AQR: variants seen among roughly 807,000 people sequenced by gnomAD.
The protein encoded by AQR is aquarius intron-binding spliceosomal factor.
Under a neutral mutation model 180.5 loss-of-function variants are expected in AQR, and 61 were observed. That is an observed-to-expected ratio of 0.34 (90% CI 0.28 to 0.42). The LOEUF is 0.42. Ranked by LOEUF, AQR falls within the 10% of genes least tolerant of loss-of-function variation. The pLI is 1.00. For synonymous variants in AQR, 551 were observed against 588.8 expected (o/e 0.94, Z 0.93); for missense variants, 1,281 against 1,798.3 (o/e 0.71, Z 5.20).
At chr15:34,925,565 G>C (rs1375054107) in intron 13 of AQR, among the ~76,000 whole-genome samples, 1 of 152,234 alleles carries the variant, frequency 6.6e-6, no homozygotes, top group Non-Finnish European at 1.5e-5. Context: ...AGGAGGCCAG[G>C]AGCGGTGGCT....
At chr15:34,918,474 T>C (rs1893630786) in intron 14 of AQR, 96 bp from the exon 15 acceptor site, 6 of 1,436,844 alleles carry the variant, frequency 4.2e-6, no homozygotes, top group South Asian at 1.3e-5. Flanking sequence ...TCAGTTATTG[T>C]AGCAGTTCAA....
rs112214780 is a variant in AQR, at chr15:34,926,135, G to A, written c.1118+900C>T. Among the ~76,000 whole-genome samples the A allele has an allele frequency of 8.6e-3, 1,300 of 151,266 alleles. 19 individuals carry two copies. The highest frequency in any genetic ancestry group is 0.03 in the African/African-American group (1,238 of 41,206). ...TGAGCCACTGCAGTCTGGCCTGGGC[G>A]AAAGAGCGAGACTCCGTCTCAAAAA... On this transcript the variant is annotated intron_variant, in intron 13 of 34. Coordinates refer to ENST00000156471, the MANE Select transcript of AQR (RefSeq NM_014691.3).
intron 33 of AQR, among the ~76,000 whole-genome samples, chr15:34,860,825 C>T (rs1010057701): frequency 6.6e-6 from 1 of 152,152 alleles, no homozygotes; most frequent in African/African-American, 2.4e-5. Flanking sequence ...CTGGGGTAGA[C>T]TGTTAAATTG....
In AQR at chr15:34,853,573, T is replaced by C. The variant is rs1412259253; in HGVS notation, c.*3219A>G. 6.6e-6 allele frequency: 1 copy of C among 152,242 alleles called. No individual in the cohort carries two copies. The highest frequency in any genetic ancestry group is 1.5e-5 in the Non-Finnish European group (1 of 68,064). 9.4% of individuals were successfully genotyped at this position (152,242 alleles called of 1,614,324 possible). A position where few individuals can be genotyped will look rare whatever the true frequency, so the allele number is the denominator to read the frequency against. The stretch of plus-strand genomic sequence containing the variant: ...CCTAGATAGATCCTCAAAGGTCAAC[T>C]GCCACTAGGTGTCCCCTTCTTGATC... On this transcript the variant is annotated 3_prime_UTR_variant, in exon 35 of 35. Coordinates refer to ENST00000156471, the MANE Select transcript of AQR (RefSeq NM_014691.3).
chr15:34,860,750 A>C (rs1348278458), intron 33 of AQR, among the ~76,000 whole-genome samples: 1 of 152,238 alleles, frequency 6.6e-6, no homozygotes, highest in Non-Finnish European at 1.5e-5. Context: ...TAACACATAT[A>C]CTATGAGTCA....
At chr15:34,946,494 CCCCGCCCGG>C in intron 5 of AQR, among the ~76,000 whole-genome samples, 19 of 143,116 alleles carry the variant, frequency 1.3e-4, no homozygotes, top group Admixed American at 1.4e-4. Flanking sequence ...GGGGTCAGCC[CCCCGCCCGG>C]CCAGCCGCCC....
chr15:34,943,825 T>C (rs1463683388), intron 6 of AQR, among the ~76,000 whole-genome samples: 1 of 152,218 alleles, frequency 6.6e-6, no homozygotes, highest in Non-Finnish European at 1.5e-5. Flanking sequence ...CATTTACACT[T>C]GGCCTTTATC....
At chr15:34,937,294 G>T (rs1002837503) in intron 9 of AQR, among the ~76,000 whole-genome samples, 21 of 152,126 alleles carry the variant, frequency 1.4e-4, no homozygotes, top group African/African-American at 5.1e-4. Flanking sequence ...CAAAGTGCTG[G>T]GATTACAGGC....
Position 34,904,512 on chromosome 15 carries a change from A to C in AQR, c.1832-7T>G. The C allele has an allele frequency of 1.3e-6, 2 of 1,588,412 alleles. No individual in the cohort carries two copies. The highest frequency in any genetic ancestry group is 1.7e-6 in the Non-Finnish European group (2 of 1,172,776). On this transcript the variant is annotated splice_region_variant and splice_polypyrimidine_tract_variant and intron_variant, in intron 18 of 34. Transcript: ENST00000156471. The stretch of plus-strand genomic sequence containing the variant: ...TTGGGTCTGGGTTCAGGTCCTGGAC[A>C]ATTTGAAAAAGTTTGTTAAATAAAA...
intron 14 of AQR, among the ~76,000 whole-genome samples, chr15:34,918,676 T>C (rs1353612674): frequency 6.6e-6 from 1 of 152,244 alleles, no homozygotes; most frequent in African/African-American, 2.4e-5. Flanking sequence ...ACAGATAAAG[T>C]GCCACACATC....
At chr15:34,884,048 C>A (rs775032816) in intron 26 of AQR, among the ~76,000 whole-genome samples, 1 of 152,142 alleles carries the variant, frequency 6.6e-6, no homozygotes, top group Non-Finnish European at 1.5e-5. Context: ...AAGACCTTTA[C>A]ATCAGGAAAG....
intron 3 of AQR, among the ~76,000 whole-genome samples, chr15:34,957,780 A>G (rs1259623392): frequency 6.7e-6 from 1 of 150,372 alleles, no homozygotes; most frequent in East Asian, 1.9e-4. Context: ...AAAACATAAA[A>G]CATAAAAAAA....
At chr15:34,875,172 A>G (rs1219439507) in intron 28 of AQR, among the ~76,000 whole-genome samples, 1 of 152,184 alleles carries the variant, frequency 6.6e-6, no homozygotes, top group East Asian at 1.9e-4. Flanking sequence ...GGCATTAGGT[A>G]ACGAGCACAC....
chr15:34,938,384 C>A (rs901552725), intron 9 of AQR, among the ~76,000 whole-genome samples: 1 of 151,756 alleles, frequency 6.6e-6, no homozygotes, highest in Non-Finnish European at 1.5e-5. Flanking sequence ...AAATACAAAA[C>A]TAACTGGGCA....
intron 2 of AQR, among the ~76,000 whole-genome samples, chr15:34,961,822 T>A (rs2050281390): frequency 6.6e-6 from 1 of 151,996 alleles, no homozygotes; most frequent in African/African-American, 2.4e-5. Context: ...TAACACAAAC[T>A]ACCACACAGG....
At chr15:34,867,293 T>C (rs766735081) in intron 32 of AQR, among the ~76,000 whole-genome samples, 6 of 152,100 alleles carry the variant, frequency 3.9e-5, no homozygotes, top group Non-Finnish European at 8.8e-5. Context: ...TCTCTGAGGG[T>C]TACTAAAGGG....
At chr15:34,912,011 A>G (rs1379638808) in intron 16 of AQR, among the ~76,000 whole-genome samples, 2 of 152,152 alleles carry the variant, frequency 1.3e-5, no homozygotes, top group Non-Finnish European at 2.9e-5. Flanking sequence ...ACAAGTAGAT[A>G]TCTAGCTTTC....
intron 19 of AQR, 33 bp from the exon 20 acceptor site, chr15:34,900,896 A>G: frequency 6.4e-7 from 1 of 1,551,316 alleles, no homozygotes; most frequent in Non-Finnish European, 8.7e-7. Context: ...AGATTGTGTC[A>G]GTATGACATC....
intron 2 of AQR, 69 bp downstream of exon 2, chr15:34,964,165 T>A: frequency 1.8e-6 from 2 of 1,089,578 alleles, no homozygotes; most frequent in Non-Finnish European, 2.7e-6. Flanking sequence ...TATGGAAAGC[T>A]TTTGTTGAAA....
Sources: allele counts gnomAD v4.1 joint callset (sites outside exome capture counted in the v4.1 genomes callset), GRCh38; gene constraint gnomAD v4.1.1; transcripts MANE v1.5; gene names NCBI Gene and HGNC (gene_info 2026-07-23, HGNC 2026-07-21).